The following EP400 variants were observed in gnomAD, a reference collection of about 807,000 sequenced individuals.
EP400 encodes the protein E1A-binding protein p400.
Under a neutral mutation model 354.1 loss-of-function variants are expected in EP400, and 105 were observed. The ratio of observed to expected loss-of-function variants is 0.30; its 90% CI spans 0.25 to 0.35. The LOEUF (loss-of-function observed/expected upper bound fraction) is 0.35. Ranked by LOEUF, EP400 falls within the 10% of genes least tolerant of loss-of-function variation. The probability of loss-of-function intolerance (pLI) is 1.00; values close to 1 mark genes in which losing one functional copy is unlikely to be tolerated. For synonymous variants in EP400, 1,646 were observed against 1,716.9 expected (o/e 0.96, Z 1.02); for missense variants, 3,280 against 4,121.0 (o/e 0.80, Z 5.59).
Position 132,013,599 on chromosome 12 carries a change from C to G in EP400, c.3721C>G (p.Pro1241Ala). The G allele has an allele frequency of 6.2e-7, 1 of 1,613,954 alleles. No homozygotes were observed. The highest frequency in any genetic ancestry group is 8.5e-7 in the Non-Finnish European group (1 of 1,179,930). ...PGISRPYLSSPLRAPSEESQD... is the reference protein window; with the variant it reads ...PGISRPYLSSALRAPSEESQD... ...GATCTCCAGGCCCTACCTGAGCTCC[C>G]CTCTGAGGGCCCCCAGTGAAGAGAG... Residue 1241 changes from proline (P) to alanine (A), a missense_variant, in exon 18 of 53, where the codon CCT (proline) becomes GCT (alanine). Around this residue, in one of 20 missense-constraint regions of EP400, gnomAD observed 242 missense variants for 357.9 expected, o/e 0.68. Transcript: ENST00000389561. This position sits in a 1 kb window ranked among gnomAD's most constrained non-coding sequence, Gnocchi z 4.5.
intron 47 of EP400, 116 bp downstream of exon 47, chr12:132,062,817 G>C (rs917063860): frequency 3.1e-5 from 40 of 1,310,226 alleles, no homozygotes; most frequent in Non-Finnish European, 4.0e-5. Context: ...CAAACGTCTA[G>C]CACTGCCTTT....
At chr12:132,020,574 A>G (rs772419863) in intron 22 of EP400, among the ~76,000 whole-genome samples, 3 of 152,308 alleles carry the variant, frequency 2.0e-5, no homozygotes, top group Non-Finnish European at 4.4e-5. Context: ...ACTTGAACTT[A>G]ATTATTCTTT....
chr12:132,060,386 G>A (rs578046139), intron 45 of EP400, among the ~76,000 whole-genome samples: 17 of 152,304 alleles, frequency 1.1e-4, no homozygotes, highest in African/African-American at 4.1e-4. Flanking sequence ...TGACACTGAT[G>A]CGTATATGTA....
chr12:132,044,787 C>G lies in EP400; in HGVS notation c.6631-13C>G, dbSNP rs568901259. The G allele has an allele frequency of 1.2e-6, 2 of 1,614,104 alleles. No individual in the cohort carries two copies. The highest frequency in any genetic ancestry group is 1.1e-5 in the South Asian group (1 of 91,068). ...GAGTTCCACATCTCATGGGCCTTCC[C>G]TTCTCCATGCAGCTCTGGACCCCAC... On this transcript the variant is annotated splice_polypyrimidine_tract_variant and intron_variant, in intron 36 of 52. Transcript: ENST00000389561.
chr12:132,014,486 C>T (rs1251534407), intron 19 of EP400, among the ~76,000 whole-genome samples: 1 of 152,178 alleles, frequency 6.6e-6, no homozygotes, highest in Non-Finnish European at 1.5e-5. Flanking sequence ...TTGACCCTCT[C>T]CGAGGTCTTC....
intron 14 of EP400, 71 bp from the exon 15 acceptor site, chr12:132,006,629 T>G: frequency 6.9e-7 from 1 of 1,449,458 alleles, no homozygotes; most frequent in East Asian, 2.3e-5. Context: ...GACTGTTGAT[T>G]TCAGTTTTGA....
At position 131,950,025 on chromosome 12, in the gene EP400, C is replaced by G. The variant is rs1891403436; in HGVS notation, c.-47C>G. 6.6e-6 allele frequency: 1 copy of G among 151,972 alleles called. No homozygotes were observed. Among genetic ancestry groups the G allele is most frequent in the Admixed American group, 6.6e-5 (1 of 15,256 alleles). The allele number at this position is 151,972 out of a possible 1,614,324, so 9.4% of individuals were successfully genotyped here. On this transcript the variant is annotated 5_prime_UTR_variant, in exon 1 of 53. Coordinates refer to ENST00000389561, the MANE Select transcript of EP400 (RefSeq NM_015409.5). ...CTCCTGACGCGGCCGGAGCGCAGCC[C>G]TGAGGCCCAGGGTAAGTGAGGGCGG... is the stretch of plus-strand genomic sequence containing the variant.
At chr12:131,968,508 T>C (rs1163639971) in intron 2 of EP400, among the ~76,000 whole-genome samples, 2 of 152,222 alleles carry the variant, frequency 1.3e-5, no homozygotes, top group East Asian at 3.8e-4. Flanking sequence ...GTAGTGTGAG[T>C]TCTCCAAGTT....
At chr12:131,985,547 G>C (rs528468097) in intron 5 of EP400, among the ~76,000 whole-genome samples, 14 of 152,350 alleles carry the variant, frequency 9.2e-5, no homozygotes, top group African/African-American at 2.9e-4. Context: ...GTGAATTTAA[G>C]TCACAGAGTC....
intron 27 of EP400, 142 bp downstream of exon 27, chr12:132,028,430 C>G: frequency 9.4e-7 from 1 of 1,063,906 alleles, no homozygotes; most frequent in Non-Finnish European, 1.4e-6. Context: ...TGAAGTTAGT[C>G]TTTGAGGTCT....
At position 132,023,942 on chromosome 12, in the gene EP400, G is replaced by A; in HGVS notation, c.4855+1G>A. 1 of 1,603,452 alleles carries A rather than the reference G, an allele frequency of 6.2e-7. No individual in the cohort carries two copies. Among genetic ancestry groups the A allele is most frequent in the Non-Finnish European group, 8.5e-7 (1 of 1,175,108 alleles). ...GCGGGCCAGCCGCTGCAGCTGCAAG[G>A]TAAGGATAAGGATGAGAGAGCACTG... On this transcript the variant is annotated splice_donor_variant, in intron 24 of 52. Coordinates refer to ENST00000389561, the MANE Select transcript of EP400 (RefSeq NM_015409.5). LOFTEE classifies it high-confidence loss of function.
chr12:132,069,776 C>T, intron 51 of EP400, 135 bp downstream of exon 51: 2 of 1,355,268 alleles, frequency 1.5e-6, no homozygotes, highest in Non-Finnish European at 2.0e-6. Context: ...AGTGTTGTCT[C>T]CTGGCCTCAG....
chr12:132,030,221 G>T, intron 29 of EP400, 63 bp downstream of exon 29: 1 of 1,576,870 alleles, frequency 6.3e-7, no homozygotes, highest in Non-Finnish European at 8.7e-7. Context: ...ATGCCTAAGT[G>T]CTGTGTAAAT....
chr12:131,971,056 G>C (rs182295471), intron 2 of EP400, among the ~76,000 whole-genome samples: 1 of 152,262 alleles, frequency 6.6e-6, no homozygotes, highest in African/African-American at 2.4e-5. Flanking sequence ...TAAAAAATTA[G>C]CCAGGTGTGG....
chr12:131,973,602 C>T (rs1376326289), intron 2 of EP400, among the ~76,000 whole-genome samples: 1 of 152,052 alleles, frequency 6.6e-6, no homozygotes, highest in Non-Finnish European at 1.5e-5. Flanking sequence ...AAGATTGTGC[C>T]GCTGCACTCC....
intron 14 of EP400, among the ~76,000 whole-genome samples, 193 bp from the exon 15 acceptor site, chr12:132,006,507 G>A (rs1485757200): frequency 1.3e-5 from 2 of 152,188 alleles, no homozygotes; most frequent in Non-Finnish European, 2.9e-5. Context: ...ATGTTCAGGC[G>A]TTCAAGACCA....
At chr12:132,033,417 C>T (rs1279645989) in intron 30 of EP400, among the ~76,000 whole-genome samples, 1 of 152,124 alleles carries the variant, frequency 6.6e-6, no homozygotes, top group African/African-American at 2.4e-5. Flanking sequence ...ACATCCTGGG[C>T]TCACCTCTCA....
chr12:132,074,227 C>T (rs1467705055), intron 51 of EP400, among the ~76,000 whole-genome samples: 1 of 152,152 alleles, frequency 6.6e-6, no homozygotes, highest in Non-Finnish European at 1.5e-5. Flanking sequence ...GCCCGGTCGG[C>T]ATTGTTTTCT....
In EP400 at chr12:132,038,193, T is replaced by C; in HGVS notation, c.6207+97T>C. On this transcript the variant is annotated intron_variant, in intron 32 of 52. Transcript: ENST00000389561. This position sits in a 1 kb window ranked among gnomAD's most constrained non-coding sequence, Gnocchi z 4.2. ...GGTTCTGGGTGCTCAGTCCCCACTC[T>C]TCCCTGGCCTGAAGCCCTCTTCCCG... 1 of 1,486,644 alleles carries C rather than the reference T, an allele frequency of 6.7e-7. No homozygotes were observed. The highest frequency in any genetic ancestry group is 9.1e-7 in the Non-Finnish European group (1 of 1,092,904). The allele number at this position is 1,486,644 out of a possible 1,614,324, so 92.1% of individuals were successfully genotyped here. A position where few individuals can be genotyped will look rare whatever the true frequency, so the allele number is the denominator to read the frequency against.
Sources: gnomAD v4.1 joint callset for allele counts (sites outside exome capture counted in the v4.1 genomes callset) on GRCh38, gnomAD v4.1.1 for gene constraint, gnomAD v4.1.1 regional missense constraint, Gnocchi (gnomAD v3.1) non-coding constraint, MANE v1.5 for transcripts, NCBI Gene and HGNC (gene_info 2026-07-23, HGNC 2026-07-21) for gene names.